WEE2: variants seen among roughly 807,000 people sequenced by gnomAD.
The protein encoded by WEE2 is WEE2 oocyte meiosis inhibiting kinase.
In WEE2, 50 loss-of-function variants were observed where a neutral mutation model predicts 60.1. The ratio of observed to expected loss-of-function variants is 0.83; its 90% CI spans 0.66 to 1.05. The LOEUF is 1.05. WEE2 is among the 50% of genes least tolerant of loss of function. WEE2 has a pLI of 0.00. For missense variants in WEE2, 631 were observed against 684.3 expected (o/e 0.92, Z 0.87); for synonymous variants, 240 against 241.0 (o/e 1.00, Z 0.04).
At chr7:141,712,367 C>T (rs1480936086) in intron 1 of WEE2, among the ~76,000 whole-genome samples, 1 of 152,042 alleles carries the variant, frequency 6.6e-6, no homozygotes, top group Non-Finnish European at 1.5e-5. Flanking sequence ...CCCAAATTTC[C>T]CTTATCTCCC....
intron 1 of WEE2, among the ~76,000 whole-genome samples, chr7:141,712,593 A>G (rs1330051047): frequency 6.6e-6 from 1 of 152,220 alleles, no homozygotes; most frequent in Non-Finnish European, 1.5e-5. Context: ...CTATATTAAC[A>G]TAATATTCTT....
intron 4 of WEE2, 68 bp from the exon 5 acceptor site, chr7:141,720,867 T>C: frequency 6.4e-7 from 1 of 1,567,438 alleles, no homozygotes; most frequent in Non-Finnish European, 8.7e-7. Context: ...CTCATATTTT[T>C]AAGAAACATT....
chr7:141,725,029 TACCGGC>T lies in WEE2; in HGVS notation c.1229_1234del (p.Arg410_His411del). The T allele has an allele frequency of 6.2e-7, 1 of 1,613,332 alleles. No homozygotes were observed. Among genetic ancestry groups the T allele is most frequent in the Non-Finnish European group, 8.5e-7 (1 of 1,179,560 alleles). On this transcript the variant is annotated inframe_deletion, in exon 9 of 12. Transcript: ENST00000397541. The stretch of plus-strand genomic sequence containing the variant: ...CTTCCTGTCTTCTGTTTTGAAGGAT[TACCGGC>T]ACCTTCCCAAAGCAGACATATTTGC...
chr7:141,714,181 T>G, intron 1 of WEE2, 28 bp from the exon 2 acceptor site: 1 of 1,569,862 alleles, frequency 6.4e-7, no homozygotes, highest in Non-Finnish European at 8.6e-7. Context: ...AATGCTATTA[T>G]GACTTGCCTT....
At position 141,716,285 on chromosome 7, in the gene WEE2, T is replaced by C; in HGVS notation, c.585+18T>C. On this transcript the variant is annotated intron_variant, in intron 3 of 11. Transcript: ENST00000397541. Reference sequence around the variant, plus strand: ...CTGCCAAGGTAAGCGTAGTTCTTTGTCCCAGCGGCCACAATATAGGCAGTT... The same window carrying C: ...CTGCCAAGGTAAGCGTAGTTCTTTGCCCCAGCGGCCACAATATAGGCAGTT... 1.9e-6 allele frequency: 3 copies of C among 1,612,070 alleles called. No homozygotes were observed. Among genetic ancestry groups the C allele is most frequent in the Non-Finnish European group, 2.5e-6 (3 of 1,178,916 alleles).
rs780994262 is a variant in WEE2, at chr7:141,716,273, C to G, written c.585+6C>G. Reference sequence around the variant, plus strand: ...AGGGAGGGCTGCCTGCCAAGGTAAGCGTAGTTCTTTGTCCCAGCGGCCACA... The same window carrying G: ...AGGGAGGGCTGCCTGCCAAGGTAAGGGTAGTTCTTTGTCCCAGCGGCCACA... On this transcript the variant is annotated splice_donor_region_variant and intron_variant, in intron 3 of 11. Coordinates refer to ENST00000397541, the MANE Select transcript of WEE2 (RefSeq NM_001105558.1). The G allele has an allele frequency of 1.2e-6, 2 of 1,612,420 alleles. No individual in the cohort carries two copies. The highest frequency in any genetic ancestry group is 1.7e-5 in the Admixed American group (1 of 59,942).
chr7:141,721,416 A>C (rs1204744485), intron 5 of WEE2, among the ~76,000 whole-genome samples: 1 of 152,006 alleles, frequency 6.6e-6, no homozygotes, highest in African/African-American at 2.4e-5. Context: ...CCTTGTTGGT[A>C]GCACCTCATG....
intron 5 of WEE2, 83 bp downstream of exon 5, chr7:141,721,139 A>G (rs1798902170): frequency 6.5e-7 from 1 of 1,543,220 alleles, no homozygotes. Flanking sequence ...TCCTCCTCAT[A>G]GTTCATTCCA....
At chr7:141,723,691 A>C (rs1404621361) in intron 6 of WEE2, among the ~76,000 whole-genome samples, 1 of 152,144 alleles carries the variant, frequency 6.6e-6, no homozygotes. Flanking sequence ...TTTTGGGGAC[A>C]ATAGTACTCT....
At chr7:141,716,405 C>T in intron 3 of WEE2, 138 bp downstream of exon 3, 1 of 774,766 alleles carries the variant, frequency 1.3e-6, no homozygotes, top group South Asian at 1.7e-5. Flanking sequence ...CCTCACCCTC[C>T]CCTCCTCTCC....
intron 1 of WEE2, among the ~76,000 whole-genome samples, chr7:141,712,338 A>G (rs1407371728): frequency 6.6e-6 from 1 of 152,150 alleles, no homozygotes; most frequent in Non-Finnish European, 1.5e-5. Context: ...CACCATCTTC[A>G]TAAGTCAAGT....
Position 141,724,218 on chromosome 7 carries a change from C to G in WEE2, c.1164C>G (p.Asn388Lys). ...ACCTGGGCCACGCAACATCAATAAA[C>G]AAACCCAAAGTGGAAGAAGGAGATA... ...IGDLGHATSI[N>K]KPKVEEGDSR... is the part of the protein sequence containing the mutation. Residue 388 changes from asparagine (N) to lysine (K), a missense_variant, in exon 8 of 12, where the codon AAC (asparagine) becomes AAG (lysine). Physicochemically the swap from Asn to Lys is moderately conservative, Grantham distance 94. Coordinates refer to ENST00000397541, the MANE Select transcript of WEE2 (RefSeq NM_001105558.1). 2 of 1,613,622 alleles carry G rather than the reference C, an allele frequency of 1.2e-6. No homozygotes were observed. Among genetic ancestry groups the G allele is most frequent in the Non-Finnish European group, 1.7e-6 (2 of 1,179,894 alleles).
In WEE2 at chr7:141,711,457, T is replaced by C. The variant is rs1798710305; in HGVS notation, c.342+2357T>C. Among the ~76,000 whole-genome samples, 1 of 152,198 alleles carries C rather than the reference T, an allele frequency of 6.6e-6. No individual in the cohort carries two copies. The highest frequency in any genetic ancestry group is 2.4e-5 in the African/African-American group (1 of 41,452). On this transcript the variant is annotated intron_variant, in intron 1 of 11. Coordinates refer to ENST00000397541, the MANE Select transcript of WEE2 (RefSeq NM_001105558.1). The surrounding 1 kb of genome is among the most constrained non-coding windows in gnomAD (Gnocchi z 4.2). ...AAGAGGCTTGATGGCTGATCATTGT[T>C]ATGCAGAAGACAAAGCTGCATGGGA...
intron 5 of WEE2, 48 bp from the exon 6 acceptor site, chr7:141,723,086 A>C: frequency 6.2e-7 from 1 of 1,606,108 alleles, no homozygotes; most frequent in Non-Finnish European, 8.5e-7. Context: ...CTATGCTTTC[A>C]TCTATAAGAC....
intron 5 of WEE2, among the ~76,000 whole-genome samples, chr7:141,721,302 A>G (rs1051258740): frequency 2.0e-5 from 3 of 152,122 alleles, no homozygotes; most frequent in Admixed American, 1.3e-4. Flanking sequence ...TATTTATTCC[A>G]TGCTAGGCCT....
At chr7:141,729,254 T>C (rs1309963673) in intron 10 of WEE2, among the ~76,000 whole-genome samples, 2 of 152,204 alleles carry the variant, frequency 1.3e-5, no homozygotes, top group African/African-American at 4.8e-5. Context: ...ATATGTAGCC[T>C]GAAGAGCTGT....
intron 3 of WEE2, 49 bp from the exon 4 acceptor site, chr7:141,719,023 T>A (rs200020764): frequency 6.3e-7 from 1 of 1,580,480 alleles, no homozygotes; most frequent in East Asian, 2.2e-5. Flanking sequence ...TTTTATTGCT[T>A]ACAACATGGT....
chr7:141,727,856 CTGGTACACATTTGGAGGAA>C (rs1799047249), intron 10 of WEE2: 1 of 168,354 alleles, frequency 5.9e-6, no homozygotes, highest in African/African-American at 2.4e-5. Context: ...ACATACTGTC[CTGGTACACATTTGGAGGAA>C]GGATTATTTT....
At chr7:141,719,337 A>G in intron 4 of WEE2, 93 bp downstream of exon 4, 3 of 1,197,108 alleles carry the variant, frequency 2.5e-6, no homozygotes, top group Non-Finnish European at 2.3e-6. Flanking sequence ...CGATGTCATT[A>G]AAAATCATTT....
Sources: gnomAD v4.1 joint callset for allele counts (sites outside exome capture counted in the v4.1 genomes callset) on GRCh38, gnomAD v4.1.1 for gene constraint, Gnocchi (gnomAD v3.1) non-coding constraint, MANE v1.5 for transcripts, NCBI Gene and HGNC (gene_info 2026-07-23, HGNC 2026-07-21) for gene names.